The following SEC61A2 variants were observed in gnomAD, a reference collection of about 807,000 sequenced individuals.
The protein encoded by SEC61A2 is SEC61 translocon subunit alpha 2.
A neutral mutation model predicts 59.9 loss-of-function variants in SEC61A2; 28 were observed. That is an observed-to-expected ratio of 0.47 (90% CI 0.35 to 0.64). The LOEUF is 0.64. SEC61A2 is among the 30% of genes least tolerant of loss of function. The probability of loss-of-function intolerance (pLI) is 0.01; values close to 1 mark genes in which losing one functional copy is unlikely to be tolerated. For missense variants in SEC61A2, 340 were observed against 585.9 expected, an observed-to-expected ratio of 0.58 and a Z score of 4.33; for synonymous variants, 202 against 214.4, an observed-to-expected ratio of 0.94 and a Z score of 0.50.
rs895487821 is a variant in SEC61A2 at position 12,129,920 on chromosome 10, C to T, written c.7+126C>T. The T allele has an allele frequency of 8.0e-6, 7 of 875,440 alleles. No individual in the cohort carries two copies. Among genetic ancestry groups the T allele is most frequent in the African/African-American group, 3.5e-5 (2 of 56,620 alleles). 54.2% of individuals were successfully genotyped at this position (875,440 alleles called of 1,614,324 possible). ...GGGATGCGCGGGCCGCTCCGGGCCT[C>T]AGCGGAGGGCACGGGCCGGGGGCCT... On this transcript the variant is annotated intron_variant, in intron 1 of 11. Coordinates refer to ENST00000298428, the MANE Select transcript of SEC61A2 (RefSeq NM_018144.4). The surrounding 1 kb of genome is among the most constrained non-coding windows in gnomAD (Gnocchi z 5.6).
chr10:12,150,546 G>A (rs1024655493), intron 6 of SEC61A2, among the ~76,000 whole-genome samples: 108 of 152,196 alleles, frequency 7.1e-4, no homozygotes, highest in Admixed American at 1.3e-4. Context: ...TCTAAAATAC[G>A]TTTTTGTAAG....
chr10:12,160,660 T>A lies in SEC61A2; in HGVS notation c.976-270T>A, dbSNP rs1488776212. Among the ~76,000 whole-genome samples, 1 of 152,194 alleles carries A rather than the reference T, an allele frequency of 6.6e-6. No individual in the cohort carries two copies. Among genetic ancestry groups the A allele is most frequent in the African/African-American group, 2.4e-5 (1 of 41,428 alleles). On this transcript the variant is annotated intron_variant, in intron 9 of 11. Coordinates refer to ENST00000298428, the MANE Select transcript of SEC61A2 (RefSeq NM_018144.4). This position sits in a 1 kb window ranked among gnomAD's most constrained non-coding sequence, Gnocchi z 4.1. Reference sequence around the variant, plus strand: ...ATTGTAAATGTAATCATATTCCTATTTTCAGTAATGGAAGATTTTGTAATA... The same window carrying A: ...ATTGTAAATGTAATCATATTCCTATATTCAGTAATGGAAGATTTTGTAATA...
At position 12,129,694 on chromosome 10, in the gene SEC61A2, G is replaced by T; in HGVS notation, c.-94G>T. ...GAGCCTGCGCGGGGCCGGTAGGATC[G>T]CGTCGGGAGCCGGTACCGAGGCCCG... is the stretch of plus-strand genomic sequence containing the variant. On this transcript the variant is annotated 5_prime_UTR_variant, in exon 1 of 12. Transcript: ENST00000298428. The surrounding 1 kb of genome is among the most constrained non-coding windows in gnomAD (Gnocchi z 5.6). The T allele has an allele frequency of 8.0e-7, 1 of 1,243,210 alleles. No individual in the cohort carries two copies. The highest frequency in any genetic ancestry group is 1.4e-5 in the South Asian group (1 of 73,198). The allele number at this position is 1,243,210 out of a possible 1,614,324, so 77.0% of individuals were successfully genotyped here.
downstream of SEC61A2, chr10:12,167,577 G>C (rs981489501): frequency 6.7e-6 from 6 of 892,336 alleles, no homozygotes; most frequent in African/African-American, 6.7e-5. Context: ...CACCACATCT[G>C]TTCTGTGCTT....
At chr10:12,131,469 C>T (rs1013522275) in intron 1 of SEC61A2, among the ~76,000 whole-genome samples, 2 of 152,026 alleles carry the variant, frequency 1.3e-5, no homozygotes, top group African/African-American at 2.4e-5. Flanking sequence ...TGACTTAAGC[C>T]GTGCCAGAAG....
chr10:12,132,040 C>A (rs546398056), intron 1 of SEC61A2, among the ~76,000 whole-genome samples: 1 of 147,338 alleles, frequency 6.8e-6, no homozygotes, highest in East Asian at 2.1e-4. Context: ...GTACTGCTCA[C>A]GCCTGTAATC....
intron 3 of SEC61A2, among the ~76,000 whole-genome samples, chr10:12,136,643 T>G (rs1008814395): frequency 6.6e-6 from 1 of 152,058 alleles, no homozygotes; most frequent in African/African-American, 2.4e-5. Flanking sequence ...TTTATTTTAT[T>G]TTTTGAGATG....
intron 3 of SEC61A2, among the ~76,000 whole-genome samples, chr10:12,141,293 A>G (rs1314743478): frequency 6.6e-6 from 1 of 152,228 alleles, no homozygotes; most frequent in Non-Finnish European, 1.5e-5. Flanking sequence ...TACCCAGCTG[A>G]TAAATTCAGA....
intron 4 of SEC61A2, among the ~76,000 whole-genome samples, chr10:12,144,144 G>A (rs1466500379): frequency 2.6e-5 from 4 of 152,076 alleles, no homozygotes; most frequent in African/African-American, 9.7e-5. Flanking sequence ...ATCGATGGCA[G>A]ATTTTTTTTT....
intron 1 of SEC61A2, chr10:12,130,957 G>A (rs1330799020): frequency 6.6e-6 from 1 of 152,362 alleles, no homozygotes; most frequent in African/African-American, 2.4e-5. Flanking sequence ...CGGATCACCC[G>A]AGGTCAGGTG....
chr10:12,164,718 T>G lies in SEC61A2; in HGVS notation c.*264T>G. On this transcript the variant is annotated 3_prime_UTR_variant, in exon 12 of 12. Transcript: ENST00000298428. This position sits in a 1 kb window ranked among gnomAD's most constrained non-coding sequence, Gnocchi z 7.3. ...CTGGAAACCAGTGTATCTACCTTGC[T>G]GTGTTAAATCATGACAGTGAGACGG... 1 of 1,234,298 alleles carries G rather than the reference T, an allele frequency of 8.1e-7. No individual in the cohort carries two copies. Among genetic ancestry groups the G allele is most frequent in the East Asian group, 4.6e-5 (1 of 21,874 alleles). 76.5% of individuals were successfully genotyped at this position (1,234,298 alleles called of 1,614,324 possible).
chr10:12,134,464 A>C (rs989919607), intron 2 of SEC61A2, among the ~76,000 whole-genome samples: 11 of 152,218 alleles, frequency 7.2e-5, no homozygotes, highest in Non-Finnish European at 1.5e-4. Flanking sequence ...AATCGCGTGC[A>C]CATTGGATCC....
chr10:12,160,016 C>G lies in SEC61A2; in HGVS notation c.976-914C>G, dbSNP rs1240600486. Among the ~76,000 whole-genome samples, 1 of 152,022 alleles carries G rather than the reference C, an allele frequency of 6.6e-6. No homozygotes were observed. The highest frequency in any genetic ancestry group is 1.5e-5 in the Non-Finnish European group (1 of 67,994). On this transcript the variant is annotated intron_variant, in intron 9 of 11. Transcript: ENST00000298428. This position sits in a 1 kb window ranked among gnomAD's most constrained non-coding sequence, Gnocchi z 4.1. ...TCATTTAAGAGAAATGTGATGATCT[C>G]TGTTGTATTCTGGCTAATATTATAT...
Position 12,165,297 on chromosome 10 carries a change from T to C in SEC61A2, c.*843T>C. 1 of 985,288 alleles carries C rather than the reference T, an allele frequency of 1.0e-6. No individual in the cohort carries two copies. The highest frequency in any genetic ancestry group is 1.2e-6 in the Non-Finnish European group (1 of 829,788). 61.0% of individuals were successfully genotyped at this position (985,288 alleles called of 1,614,324 possible). On this transcript the variant is annotated 3_prime_UTR_variant, in exon 12 of 12. Coordinates refer to ENST00000298428, the MANE Select transcript of SEC61A2 (RefSeq NM_018144.4). Reference sequence around the variant, plus strand: ...AATATATTCATGCTAGGAATTTGTGTCTGTTGTTGTACTCACAGCAGCAAC... The same window carrying C: ...AATATATTCATGCTAGGAATTTGTGCCTGTTGTTGTACTCACAGCAGCAAC...
In SEC61A2 at chr10:12,152,806, A is replaced by AGGAGGC. The variant is rs1358995925; in HGVS notation, c.462+2851_462+2856dup. Among the ~76,000 whole-genome samples, 1 of 151,874 alleles carries AGGAGGC rather than the reference A, an allele frequency of 6.6e-6. No homozygotes were observed. The highest frequency in any genetic ancestry group is 1.5e-5 in the Non-Finnish European group (1 of 67,842). On this transcript the variant is annotated intron_variant, in intron 6 of 11. Transcript: ENST00000298428. The surrounding 1 kb of genome is among the most constrained non-coding windows in gnomAD (Gnocchi z 5.5). ...TATTTGGGAGGCTGAGGCCGAACCC[A>AGGAGGC]GGAGGCGGAGGTTGCAGTGAGCTGA...
In SEC61A2 at chr10:12,164,178, A is replaced by G. The variant is rs1834606452; in HGVS notation, c.1245-90A>G. The G allele has an allele frequency of 3.4e-6, 5 of 1,474,304 alleles. No individual in the cohort carries two copies. Among genetic ancestry groups the G allele is most frequent in the Middle Eastern group, 2.4e-4 (1 of 4,166 alleles). The allele number at this position is 1,474,304 out of a possible 1,614,324, so 91.3% of individuals were successfully genotyped here. On this transcript the variant is annotated intron_variant, in intron 11 of 11. Coordinates refer to ENST00000298428, the MANE Select transcript of SEC61A2 (RefSeq NM_018144.4). The surrounding 1 kb of genome is among the most constrained non-coding windows in gnomAD (Gnocchi z 7.3). Reference sequence around the variant, plus strand: ...GTTCAGGGAGGCTTTAGACCCAGCTATGGCTGCTGCGCCTCGACCTGTCTT... The same window carrying G: ...GTTCAGGGAGGCTTTAGACCCAGCTGTGGCTGCTGCGCCTCGACCTGTCTT...
chr10:12,149,602 A>G lies in SEC61A2; in HGVS notation c.228A>G (p.Leu76=). The change falls in exon 5 of 12, where the codon TTA becomes TTG. Residue 76 remains leucine, a synonymous_variant. Transcript: ENST00000298428. This position sits in a 1 kb window ranked among gnomAD's most constrained non-coding sequence, Gnocchi z 5.2. ...TCTCCCCTTCCTTTCCAGGAACTTT[A>G]ATGGAATTGGGTATCTCCCCAATTG... ...RVILASNRGT[L]MELGISPIVT... is the part of the protein sequence containing the mutation. The G allele has an allele frequency of 6.2e-7, 1 of 1,603,534 alleles. No individual in the cohort carries two copies. Among genetic ancestry groups the G allele is most frequent in the South Asian group, 1.1e-5 (1 of 88,770 alleles).
intron 8 of SEC61A2, among the ~76,000 whole-genome samples, 180 bp downstream of exon 8, chr10:12,157,247 C>T (rs940857492): frequency 6.6e-6 from 1 of 152,114 alleles, no homozygotes; most frequent in Non-Finnish European, 1.5e-5. Flanking sequence ...AGTCTCTGTA[C>T]TTTTTTTGTT....
Position 12,143,948 on chromosome 10 carries a change from C to T in SEC61A2, c.220+753C>T, listed in dbSNP as rs1277306116. ...CTTTTTTCAGGCGATCCTCCCACTT[C>T]AGCCTCCTGAGTAGCTGGGACTACT... On this transcript the variant is annotated intron_variant, in intron 4 of 11. Coordinates refer to ENST00000298428, the MANE Select transcript of SEC61A2 (RefSeq NM_018144.4). The surrounding 1 kb of genome is among the most constrained non-coding windows in gnomAD (Gnocchi z 4.8). Among the ~76,000 whole-genome samples the T allele has an allele frequency of 6.6e-6, 1 of 152,168 alleles. No homozygotes were observed. The highest frequency in any genetic ancestry group is 1.5e-5 in the Non-Finnish European group (1 of 68,028).
Sources: gnomAD v4.1 joint callset for allele counts (sites outside exome capture counted in the v4.1 genomes callset) on GRCh38, gnomAD v4.1.1 for gene constraint, Gnocchi (gnomAD v3.1) non-coding constraint, MANE v1.5 for transcripts, NCBI Gene and HGNC (gene_info 2026-07-23, HGNC 2026-07-21) for gene names.